TGFBR1: variants seen among roughly 807,000 people sequenced by gnomAD.
The protein encoded by TGFBR1 is transforming growth factor beta receptor 1, also known as TGF-beta receptor type-1.
TGFBR1 carries 20 observed loss-of-function variants against 55.1 expected under a neutral mutation model. That is an observed-to-expected ratio of 0.36 (90% CI 0.26 to 0.53). The LOEUF is 0.53. Ranked by LOEUF, TGFBR1 falls within the 20% of genes least tolerant of loss-of-function variation. The probability of loss-of-function intolerance (pLI) is 0.91; values close to 1 mark genes in which losing one functional copy is unlikely to be tolerated. For missense variants in TGFBR1, 385 were observed against 617.6 expected (o/e 0.62, Z 3.99); for synonymous variants, 220 against 214.8 (o/e 1.02, Z -0.21).
rs77008337 is a variant in TGFBR1 at position 99,141,849 on chromosome 9, G to C, written c.806-687G>C. ...GTTTTGGCTTACAGAGGAAATTTTG[G>C]AACCCACGTTCCTCGTTGTTTGAGT... On this transcript the variant is annotated intron_variant, in intron 4 of 8. Coordinates refer to ENST00000374994, the MANE Select transcript of TGFBR1 (RefSeq NM_004612.4). Among the ~76,000 whole-genome samples the C allele has an allele frequency of 1.3e-3, 197 of 152,270 alleles. 1 individual carries two copies. In the East Asian group the frequency reaches 0.018, roughly 14 times the overall value.
intron 1 of TGFBR1, among the ~76,000 whole-genome samples, chr9:99,127,076 C>G (rs142415387): frequency 9.2e-5 from 14 of 152,238 alleles, no homozygotes; most frequent in African/African-American, 3.1e-4. Flanking sequence ...TCACAGGACT[C>G]AGAAAAGCTG....
At chr9:99,139,699 C>A (rs766777499) in intron 4 of TGFBR1, among the ~76,000 whole-genome samples, 1 of 152,138 alleles carries the variant, frequency 6.6e-6, no homozygotes, top group Non-Finnish European at 1.5e-5. Flanking sequence ...ATCAAATATC[C>A]AGTTAGGTTC....
intron 3 of TGFBR1, 59 bp downstream of exon 3, chr9:99,132,798 T>C (rs112039046): frequency 2.5e-6 from 4 of 1,600,764 alleles, no homozygotes; most frequent in East Asian, 2.2e-5. Flanking sequence ...GCGATACTTA[T>C]TTTATTAGTT....
intron 1 of TGFBR1, 168 bp from the exon 2 acceptor site, chr9:99,128,687 T>C (rs769817330): frequency 1.4e-4 from 124 of 894,314 alleles, no homozygotes; most frequent in Non-Finnish European, 1.9e-5. Flanking sequence ...TTAATATAAT[T>C]TGAAACTTCT....
intron 1 of TGFBR1, chr9:99,128,576 A>G (rs1052359630): frequency 5.8e-6 from 3 of 520,294 alleles, no homozygotes; most frequent in African/African-American, 1.9e-5. Context: ...ATGAAATTGA[A>G]CATAACAAAA....
At chr9:99,104,811 C>T (rs1826349431), upstream of TGFBR1, among the ~76,000 whole-genome samples, 1 of 151,642 alleles carries the variant, frequency 6.6e-6, no homozygotes, top group South Asian at 2.1e-4. Context: ...CCCGGCCCTC[C>T]GGGGCTAGCG....
rs199534451 is a variant in TGFBR1 at position 99,128,925 on chromosome 9, C to G, written c.168C>G (p.Val56=). The G allele has an allele frequency of 6.2e-7, 1 of 1,613,798 alleles. No individual in the cohort carries two copies. The highest frequency in any genetic ancestry group is 8.5e-7 in the Non-Finnish European group (1 of 1,179,924). The change falls in exon 2 of 9, where the codon GTC becomes GTG. Residue 56 remains valine (V), a synonymous_variant. Transcript: ENST00000374994. The part of the protein sequence containing the change: ...FTCVTDGLCF[V]SVTETTDKVI... Reference sequence around the variant, plus strand: ...GTGTGACAGATGGGCTCTGCTTTGTCTCTGTCACAGAGACCACAGACAAAG... The same window carrying G: ...GTGTGACAGATGGGCTCTGCTTTGTGTCTGTCACAGAGACCACAGACAAAG...
chr9:99,129,129 T>G (rs750459197), intron 2 of TGFBR1, 29 bp downstream of exon 2: 6 of 1,609,894 alleles, frequency 3.7e-6, no homozygotes, highest in Non-Finnish European at 5.1e-6. Flanking sequence ...TTTTCCTAGA[T>G]ACTACAAGAA....
At chr9:99,117,821 A>T (rs1826791672) in intron 1 of TGFBR1, among the ~76,000 whole-genome samples, 1 of 152,196 alleles carries the variant, frequency 6.6e-6, no homozygotes, top group African/African-American at 2.4e-5. Flanking sequence ...GTTTTTCCAT[A>T]TAAATTTCAG....
chr9:99,126,022 A>T (rs1054199459), intron 1 of TGFBR1, among the ~76,000 whole-genome samples: 10 of 152,206 alleles, frequency 6.6e-5, no homozygotes, highest in Non-Finnish European at 1.0e-4. Flanking sequence ...TATGGAACAT[A>T]TTGAAAGGAG....
intron 1 of TGFBR1, among the ~76,000 whole-genome samples, chr9:99,110,923 G>A (rs1461579168): frequency 2.6e-5 from 4 of 152,152 alleles, no homozygotes; most frequent in Admixed American, 6.5e-5. Flanking sequence ...GGTCACGTAC[G>A]TCCATGCTCC....
intron 1 of TGFBR1, among the ~76,000 whole-genome samples, chr9:99,110,486 C>G (rs941977246): frequency 1.3e-5 from 2 of 152,130 alleles, no homozygotes; most frequent in African/African-American, 2.4e-5. Context: ...CCCATTTGTT[C>G]CCAGATACAG....
At chr9:99,114,244 CA>C (rs981064305) in intron 1 of TGFBR1, among the ~76,000 whole-genome samples, 8 of 151,944 alleles carry the variant, frequency 5.3e-5, no homozygotes, top group African/African-American at 1.9e-4. Context: ...ATCAGTAAGT[CA>C]AAAAGGGAAA....
At chr9:99,136,666 A>G (rs1827448185) in intron 3 of TGFBR1, among the ~76,000 whole-genome samples, 1 of 152,188 alleles carries the variant, frequency 6.6e-6, no homozygotes, top group African/African-American at 2.4e-5. Flanking sequence ...TGGGGAGGGT[A>G]GAGCAAGAGG....
intron 8 of TGFBR1, among the ~76,000 whole-genome samples, chr9:99,148,875 AG>A (rs1652275300): frequency 1.3e-5 from 2 of 152,024 alleles, no homozygotes; most frequent in Non-Finnish European, 2.9e-5. Flanking sequence ...AATACTTCAA[AG>A]TACAAACTTA....
At chr9:99,109,471 G>A (rs1164512001) in intron 1 of TGFBR1, among the ~76,000 whole-genome samples, 1 of 152,200 alleles carries the variant, frequency 6.6e-6, no homozygotes, top group Non-Finnish European at 1.5e-5. Context: ...CTCATGTAGG[G>A]AAGACCCCTG....
At chr9:99,104,404 G>C (rs1274822949), upstream of TGFBR1, among the ~76,000 whole-genome samples, 1 of 152,082 alleles carries the variant, frequency 6.6e-6, no homozygotes, top group Non-Finnish European at 1.5e-5. Context: ...CTATTTGGGG[G>C]TGTGTTTGGG....
chr9:99,119,448 G>T (rs80315843), intron 1 of TGFBR1, among the ~76,000 whole-genome samples: 1 of 152,216 alleles, frequency 6.6e-6, no homozygotes, highest in African/African-American at 2.4e-5. Context: ...TTTGTCCTAC[G>T]TGAGGGGTTG....
Position 99,149,438 on chromosome 9 carries a change from T to C in TGFBR1, c.*133T>C. 2 of 1,358,700 alleles carry C rather than the reference T, an allele frequency of 1.5e-6. No homozygotes were observed. 84.2% of individuals were successfully genotyped at this position (1,358,700 alleles called of 1,614,324 possible). On this transcript the variant is annotated 3_prime_UTR_variant, in exon 9 of 9. Coordinates refer to ENST00000374994, the MANE Select transcript of TGFBR1 (RefSeq NM_004612.4). ...TTCCTTTTGCAGCAGTGTAATAAAGTCAATTAAAAACTTCCCAGGATTTCT... is the reference window on the plus strand; with the variant it reads ...TTCCTTTTGCAGCAGTGTAATAAAGCCAATTAAAAACTTCCCAGGATTTCT...
Sources: allele counts gnomAD v4.1 joint callset (sites outside exome capture counted in the v4.1 genomes callset), GRCh38; gene constraint gnomAD v4.1.1; transcripts MANE v1.5; gene names NCBI Gene and HGNC (gene_info 2026-07-23, HGNC 2026-07-21).